The following DOCK9 variants were observed in gnomAD, a reference collection of about 807,000 sequenced individuals.
DOCK9 encodes the protein dedicator of cytokinesis 9, also known as dedicator of cytokinesis protein 9.
In DOCK9, 89 loss-of-function variants were observed where a neutral mutation model predicts 263.3. The ratio of observed to expected loss-of-function variants is 0.34; its 90% CI spans 0.28 to 0.40. DOCK9 has a LOEUF of 0.40. Among genes scored for constraint, DOCK9 ranks in the 10% least tolerant of loss-of-function variants. DOCK9 has a pLI of 1.00. For missense variants in DOCK9, 2,140 were observed against 2,603.4 expected, an observed-to-expected ratio of 0.82 and a Z score of 3.87; for synonymous variants, 976 against 973.1, an observed-to-expected ratio of 1.00 and a Z score of -0.06.
chr13:98,954,988 T>A (rs2057867439), intron 2 of DOCK9, among the ~76,000 whole-genome samples: 1 of 151,922 alleles, frequency 6.6e-6, no homozygotes, highest in African/African-American at 2.4e-5. Flanking sequence ...AAAATAACTT[T>A]TCTTTCTTAA....
chr13:98,848,927 C>T (rs946273090), intron 36 of DOCK9, among the ~76,000 whole-genome samples: 12 of 152,120 alleles, frequency 7.9e-5, no homozygotes, highest in African/African-American at 2.7e-4. Context: ...GATCGTCCAT[C>T]GACTCAGAGG....
intron 2 of DOCK9, among the ~76,000 whole-genome samples, chr13:98,945,578 C>G (rs968224557): frequency 6.6e-6 from 1 of 152,186 alleles, no homozygotes; most frequent in Non-Finnish European, 1.5e-5. Flanking sequence ...GACCTTGGGT[C>G]ACTCACTCTC....
intron 1 of DOCK9, among the ~76,000 whole-genome samples, chr13:99,080,750 C>T (rs951254756): frequency 6.6e-6 from 1 of 152,196 alleles, no homozygotes; most frequent in Non-Finnish European, 1.5e-5. Flanking sequence ...CCTCTGGTCA[C>T]TGAACCACGT....
intron 48 of DOCK9, among the ~76,000 whole-genome samples, chr13:98,807,350 C>T (rs2090846761): frequency 6.6e-6 from 1 of 152,166 alleles, no homozygotes; most frequent in Admixed American, 6.5e-5. Flanking sequence ...GGAAGAGGTG[C>T]AGTGAGTAGC....
chr13:98,848,495 A>C, intron 37 of DOCK9, 97 bp downstream of exon 37: 1 of 1,327,592 alleles, frequency 7.5e-7, no homozygotes, highest in Non-Finnish European at 1.1e-6. Flanking sequence ...GCTTCCATGA[A>C]CCCCAACTGC....
intron 1 of DOCK9, among the ~76,000 whole-genome samples, chr13:99,061,549 C>T (rs1272275185): frequency 6.6e-6 from 1 of 152,160 alleles, no homozygotes; most frequent in African/African-American, 2.4e-5. Flanking sequence ...GGTCTAGACC[C>T]ATGGCAGACT....
chr13:99,069,634 T>C (rs2041582618), intron 1 of DOCK9, among the ~76,000 whole-genome samples: 2 of 152,266 alleles, frequency 1.3e-5, no homozygotes, highest in South Asian at 2.1e-4. Flanking sequence ...GCTGATCTCA[T>C]CTTCCTCATC....
chr13:98,866,952 T>C (rs991116819), intron 30 of DOCK9: 4 of 271,146 alleles, frequency 1.5e-5, no homozygotes, highest in Admixed American at 5.1e-5. Context: ...GATCAAATTA[T>C]ATAGGAAATA....
At chr13:98,826,072 A>G (rs2092522449) in intron 44 of DOCK9, 1 of 617,134 alleles carries the variant, frequency 1.6e-6, no homozygotes, top group Non-Finnish European at 2.6e-6. Flanking sequence ...AGCCAGCTGC[A>G]CCAGAAATAT....
intron 1 of DOCK9, among the ~76,000 whole-genome samples, chr13:99,057,547 G>A (rs999192247): frequency 1.3e-5 from 2 of 152,144 alleles, no homozygotes; most frequent in Admixed American, 6.5e-5. Flanking sequence ...TTGCTGTTGT[G>A]CAATATTTCC....
chr13:98,915,921 C>T (rs573022307), intron 7 of DOCK9, among the ~76,000 whole-genome samples: 44 of 152,208 alleles, frequency 2.9e-4, no homozygotes, highest in African/African-American at 9.9e-4. Flanking sequence ...TCTTCAGCTC[C>T]TATTTTTTTA....
At chr13:98,974,122 A>G (rs2059993528) in intron 1 of DOCK9, among the ~76,000 whole-genome samples, 1 of 152,132 alleles carries the variant, frequency 6.6e-6, no homozygotes, top group Non-Finnish European at 1.5e-5. Flanking sequence ...AGCAGTAACA[A>G]TTAGAATAAA....
rs182148810 is a variant in DOCK9 at position 98,941,403 on chromosome 13, A to C, written c.244-11146T>G. Among the ~76,000 whole-genome samples the C allele has an allele frequency of 1.1e-4, 17 of 152,294 alleles. No homozygotes were observed. In the East Asian group the frequency reaches 2.9e-3, roughly 26 times the overall value. ...ACCAAATAATGTACTGCTTCCTGAAAAGTCAGATTTCAGTAGACTTTGAGA... is the reference window on the plus strand; with the variant it reads ...ACCAAATAATGTACTGCTTCCTGAACAGTCAGATTTCAGTAGACTTTGAGA... On this transcript the variant is annotated intron_variant, in intron 2 of 52. Transcript: ENST00000682017.
intron 50 of DOCK9, 134 bp downstream of exon 50, chr13:98,800,154 C>T (rs543559503): frequency 1.0e-4 from 98 of 947,312 alleles, no homozygotes; most frequent in African/African-American, 3.1e-4. Flanking sequence ...ATGTCACAGA[C>T]GTTGGGGGAA....
At chr13:98,922,457 C>G (rs977328759) in intron 5 of DOCK9, among the ~76,000 whole-genome samples, 1 of 152,160 alleles carries the variant, frequency 6.6e-6, no homozygotes, top group Non-Finnish European at 1.5e-5. Flanking sequence ...TGACCACTCA[C>G]GTTGGAAGGT....
intron 50 of DOCK9, among the ~76,000 whole-genome samples, chr13:98,798,742 AG>A (rs2089755500): frequency 6.6e-6 from 1 of 152,182 alleles, no homozygotes; most frequent in East Asian, 1.9e-4. Context: ...AAAATGATAA[AG>A]TTAATTTCCT....
chr13:99,037,040 T>C lies in DOCK9; in HGVS notation c.129+49183A>G, dbSNP rs933986765. ...AGACTCTGATGGATTTTTTATGACT[T>C]TGGACTACAGTATTTTTTAAAAAGA... On this transcript the variant is annotated intron_variant, in intron 1 of 32. Coordinates refer to the DOCK9 transcript ENST00000427887. Among the ~76,000 whole-genome samples the C allele has an allele frequency of 2.0e-5, 3 of 152,156 alleles. No homozygotes were observed. The South Asian group carries it at 6.2e-4, about 32-fold the overall frequency.
chr13:99,013,028 T>G (rs191947487), intron 1 of DOCK9, among the ~76,000 whole-genome samples: 1 of 152,196 alleles, frequency 6.6e-6, no homozygotes, highest in African/African-American at 2.4e-5. Context: ...GCATTTACTA[T>G]AGAGCCAGGC....
chr13:98,826,328 C>CT (rs1424110026), intron 44 of DOCK9, among the ~76,000 whole-genome samples: 1 of 152,228 alleles, frequency 6.6e-6, no homozygotes, highest in Non-Finnish European at 1.5e-5. Context: ...GCCTGCTCAT[C>CT]TGGGCACAAA....
Sources: allele counts gnomAD v4.1 joint callset (sites outside exome capture counted in the v4.1 genomes callset), GRCh38; gene constraint gnomAD v4.1.1; transcripts MANE v1.5; gene names NCBI Gene and HGNC (gene_info 2026-07-23, HGNC 2026-07-21).